The following CPXM2 variants were observed in gnomAD, a reference collection of about 807,000 sequenced individuals.
CPXM2 encodes the protein carboxypeptidase X, M14 family member 2, also known as inactive carboxypeptidase-like protein X2.
CPXM2 carries 66 observed loss-of-function variants against 86.1 expected under a neutral mutation model. That is an observed-to-expected ratio of 0.77 (90% CI 0.63 to 0.94). The LOEUF (loss-of-function observed/expected upper bound fraction) is 0.94. Ranked by LOEUF, CPXM2 falls within the 40% of genes least tolerant of loss-of-function variation. CPXM2 has a pLI of 0.00. For synonymous variants in CPXM2, 388 were observed against 400.2 expected, an observed-to-expected ratio of 0.97 and a Z score of 0.36; for missense variants, 948 against 1,026.3, an observed-to-expected ratio of 0.92 and a Z score of 1.04.
At chr10:123,755,724 G>C (rs1170820649) in intron 12 of CPXM2, among the ~76,000 whole-genome samples, 1 of 152,174 alleles carries the variant, frequency 6.6e-6, no homozygotes, top group Non-Finnish European at 1.5e-5. Flanking sequence ...TTATGCCTCA[G>C]TTTCCCCACC....
intron 13 of CPXM2, among the ~76,000 whole-genome samples, chr10:123,747,610 C>T (rs55948608): frequency 0.017 from 2,586 of 152,248 alleles, 18 homozygotes; most frequent in African/African-American, 0.021. Context: ...AGCCTTGAGA[C>T]CACATGAGAC....
At chr10:123,935,516 G>A (rs1945707477) in intron 2 of CPXM2, among the ~76,000 whole-genome samples, 1 of 152,190 alleles carries the variant, frequency 6.6e-6, no homozygotes, top group African/African-American at 2.4e-5. Context: ...CCAGAAACTG[G>A]GGACAGACCT....
In CPXM2 at chr10:123,921,903, G is replaced by A. The variant is rs566036546; in HGVS notation, n.174+17574C>T. Among the ~76,000 whole-genome samples the A allele has an allele frequency of 1.4e-3, 214 of 152,288 alleles. 1 individual carries two copies. Among genetic ancestry groups the A allele is most frequent in the Non-Finnish European group, 2.3e-3 (156 of 68,036 alleles). ...AGGAGCTAAGAGAAGGGATAGCTGAGGTATGAAAGTTGTAATGTGTGATGC... is the reference window on the plus strand; with the variant it reads ...AGGAGCTAAGAGAAGGGATAGCTGAAGTATGAAAGTTGTAATGTGTGATGC... On this transcript the variant is annotated intron_variant and non_coding_transcript_variant, in intron 2 of 19. Coordinates refer to the CPXM2 transcript ENST00000368854.
chr10:123,758,747 G>A (rs1388020814), intron 11 of CPXM2, among the ~76,000 whole-genome samples: 1 of 152,166 alleles, frequency 6.6e-6, no homozygotes, highest in Non-Finnish European at 1.5e-5. Context: ...TGATTAGCAA[G>A]CTGCACTCTG....
At chr10:123,813,303 C>T (rs1272400165) in intron 4 of CPXM2, among the ~76,000 whole-genome samples, 1 of 152,152 alleles carries the variant, frequency 6.6e-6, no homozygotes, top group Non-Finnish European at 1.5e-5. Context: ...TAAGAAGAAG[C>T]CAAGTTCATC....
intron 2 of CPXM2, among the ~76,000 whole-genome samples, chr10:123,934,938 T>A (rs578171923): frequency 1.5e-4 from 23 of 152,304 alleles, no homozygotes; most frequent in Non-Finnish European, 2.9e-5. Context: ...GAACTCCTCA[T>A]CATCTAAAAT....
chr10:123,918,436 G>C (rs532523395), intron 2 of CPXM2, among the ~76,000 whole-genome samples: 2 of 152,198 alleles, frequency 1.3e-5, no homozygotes, highest in African/African-American at 4.8e-5. Context: ...AATAATAACA[G>C]AGTAGGGAAA....
At chr10:123,789,894 G>A (rs2885662) in intron 6 of CPXM2, among the ~76,000 whole-genome samples, 25,787 of 152,030 alleles carry the variant, frequency 0.17, 3,023 homozygotes, top group African/African-American at 0.34. Context: ...CGAGGCAGGC[G>A]GATCACGAGG....
intron 2 of CPXM2, among the ~76,000 whole-genome samples, chr10:123,870,033 G>A (rs190211792): frequency 6.6e-6 from 1 of 152,252 alleles, no homozygotes; most frequent in Admixed American, 6.5e-5. Context: ...TTTTAAAAGT[G>A]TAGTGATTTG....
chr10:123,791,666 T>C (rs1847209989), intron 6 of CPXM2, among the ~76,000 whole-genome samples: 1 of 152,234 alleles, frequency 6.6e-6, no homozygotes, highest in Non-Finnish European at 1.5e-5. Flanking sequence ...CAGTATGACC[T>C]CCTCTTGATT....
At chr10:123,807,690 G>A (rs895073200) in intron 4 of CPXM2, among the ~76,000 whole-genome samples, 3 of 152,308 alleles carry the variant, frequency 2.0e-5, no homozygotes, top group Admixed American at 6.5e-5. Context: ...GGGCAGGTTC[G>A]TGAATGAACA....
At chr10:123,898,847 C>G (rs555182181) in intron 2 of CPXM2, among the ~76,000 whole-genome samples, 1 of 152,316 alleles carries the variant, frequency 6.6e-6, no homozygotes, top group East Asian at 1.9e-4. Flanking sequence ...CAGGTTCAAA[C>G]AATTCTCCTG....
At chr10:123,914,975 T>G (rs114132303) in intron 2 of CPXM2, among the ~76,000 whole-genome samples, 2,408 of 152,312 alleles carry the variant, frequency 0.016, 65 homozygotes, top group African/African-American at 0.055. Context: ...CTTTCATTGA[T>G]TCTTCCCACC....
At chr10:123,756,127 G>A (rs1484928659) in intron 12 of CPXM2, among the ~76,000 whole-genome samples, 2 of 152,210 alleles carry the variant, frequency 1.3e-5, no homozygotes. Flanking sequence ...CAAAGCCATG[G>A]GCTGAATGTG....
chr10:123,851,512 G>C (rs1050164317), intron 3 of CPXM2, among the ~76,000 whole-genome samples: 1 of 152,174 alleles, frequency 6.6e-6, no homozygotes, highest in Admixed American at 6.5e-5. Context: ...GCTCATGCCT[G>C]TAATCCCAGC....
rs566913624 is a variant in CPXM2, at chr10:123,931,346, A to C, written n.174+8131T>G. On this transcript the variant is annotated intron_variant and non_coding_transcript_variant, in intron 2 of 19. Transcript: ENST00000368854. ...GCTACTAGGAAAAGTTAGTCTGTCCATGAGTTTGTGGAGGAGGACATTAGC... is the reference window on the plus strand; with the variant it reads ...GCTACTAGGAAAAGTTAGTCTGTCCCTGAGTTTGTGGAGGAGGACATTAGC... Among the ~76,000 whole-genome samples, 6 of 152,344 alleles carry C rather than the reference A, an allele frequency of 3.9e-5. No individual in the cohort carries two copies. In the South Asian group the frequency reaches 1.2e-3, roughly 32 times the overall value.
intron 6 of CPXM2, among the ~76,000 whole-genome samples, chr10:123,782,072 T>C (rs1846947556): frequency 6.6e-6 from 1 of 152,076 alleles, no homozygotes; most frequent in African/African-American, 2.4e-5. Flanking sequence ...AATGTAGGAG[T>C]GCAACTGGCA....
At chr10:123,922,191 C>T (rs572032195) in intron 2 of CPXM2, among the ~76,000 whole-genome samples, 251 of 152,226 alleles carry the variant, frequency 1.6e-3, no homozygotes, top group African/African-American at 5.8e-3. Context: ...AAATATGTCT[C>T]CAGACATTGC....
At chr10:123,860,770 G>A (rs776550179) in intron 3 of CPXM2, among the ~76,000 whole-genome samples, 6 of 124,776 alleles carry the variant, frequency 4.8e-5, no homozygotes, top group East Asian at 2.4e-4. Flanking sequence ...CAAGCTTTGC[G>A]GGCTCATGTG....
Sources: allele counts gnomAD v4.1 joint callset (sites outside exome capture counted in the v4.1 genomes callset), GRCh38; gene constraint gnomAD v4.1.1; transcripts MANE v1.5; gene names NCBI Gene and HGNC (gene_info 2026-07-23, HGNC 2026-07-21).